KRT71: variants seen among roughly 807,000 people sequenced by gnomAD.
The protein encoded by KRT71 is keratin 71, also known as keratin, type II cytoskeletal 71.
Under a neutral mutation model 46.2 loss-of-function variants are expected in KRT71, and 42 were observed. The ratio of observed to expected loss-of-function variants is 0.91; its 90% confidence interval spans 0.71 to 1.18. The LOEUF (loss-of-function observed/expected upper bound fraction) is 1.18, where lower values mean the gene tolerates loss of function less well. Ranked by LOEUF, KRT71 falls within the 50% of genes most tolerant of loss-of-function variation. The probability of loss-of-function intolerance (pLI) is 0.00; values close to 1 mark genes in which losing one functional copy is unlikely to be tolerated. For synonymous variants in KRT71, 292 were observed against 277.8 expected, an observed-to-expected ratio of 1.05 and a Z score of -0.51; for missense variants, 708 against 677.9, an observed-to-expected ratio of 1.04 and a Z score of -0.49.
At position 52,548,145 on chromosome 12, in the gene KRT71, A is replaced by G; in HGVS notation, c.978+7T>C. 1.2e-6 allele frequency: 2 copies of G among 1,612,334 alleles called. No individual in the cohort carries two copies. The highest frequency in any genetic ancestry group is 1.7e-6 in the Non-Finnish European group (2 of 1,178,982). On this transcript the variant is annotated splice_region_variant and intron_variant, in intron 5 of 8. Transcript: ENST00000267119. ...ACCCTCCCTGGCCCCACCTCAGCCC[A>G]GCTCACCTTGGTCTGGTACAGGGCC...
chr12:52,552,910 G>C lies in KRT71; in HGVS notation c.168C>G (p.Ser56Arg). 1 of 1,614,118 alleles carries C rather than the reference G, an allele frequency of 6.2e-7. No homozygotes were observed. The part of the protein sequence containing the change: ...RSLYSLGGVR[S>R]LNVASGSGKS... ...TCCCGCTGCCACTGGCCACATTGAG[G>C]CTCCGGACACCCCCCAGGCTGTAGA... is the stretch of plus-strand genomic sequence containing the variant. The change falls in exon 1 of 9, where the codon AGC (serine) becomes AGG (arginine). Residue 56 changes from serine to arginine, a missense_variant. By Grantham distance (110) the Ser-to-Arg change is moderately radical (BLOSUM62 -1). Transcript: ENST00000267119.
chr12:52,546,614 TAC>T (rs1445784394), intron 6 of KRT71, 108 bp from the exon 7 acceptor site: 1 of 1,040,570 alleles, frequency 9.6e-7, no homozygotes, highest in African/African-American at 1.6e-5. Flanking sequence ...GCCTCCACCC[TAC>T]ACACACCATC....
In KRT71 at chr12:52,550,014, A is replaced by C; in HGVS notation, c.656+15T>G. ...AGGGCAGTTGTCCAGTTACAGGGGG[A>C]CTCCTCCTGCTCACCTCTTCTTGTA... On this transcript the variant is annotated intron_variant, in intron 2 of 8. Coordinates refer to ENST00000267119, the MANE Select transcript of KRT71 (RefSeq NM_033448.3). 1 of 1,613,030 alleles carries C rather than the reference A, an allele frequency of 6.2e-7. No individual in the cohort carries two copies.
In KRT71 at chr12:52,544,363, C is replaced by T. The variant is rs973513733; in HGVS notation, c.*169G>A. ...ACCAAGCTTGGTCATCCAGGCCTTC[C>T]CAGGATCAGGAAGACACAGGCTGGG... On this transcript the variant is annotated 3_prime_UTR_variant, in exon 9 of 9. Transcript: ENST00000267119. 5 of 714,376 alleles carry T rather than the reference C, an allele frequency of 7.0e-6. No homozygotes were observed. The highest frequency in any genetic ancestry group is 2.1e-5 in the Admixed American group (1 of 48,336). 44.3% of individuals were successfully genotyped at this position (714,376 alleles called of 1,614,324 possible).
At chr12:52,550,447 G>A (rs184095106) in intron 1 of KRT71, among the ~76,000 whole-genome samples, 4 of 152,302 alleles carry the variant, frequency 2.6e-5, no homozygotes, top group Admixed American at 1.3e-4. Flanking sequence ...TTTAAGAAGC[G>A]GTGGAGCCCG....
At position 52,549,305 on chromosome 12, in the gene KRT71, CACAA is replaced by C. The variant is rs1466826841; in HGVS notation, c.701_704del (p.Phe234CysfsTer61). Reference sequence around the variant, plus strand: ...GCCTTCCCCTCACCTTCTTGAGCAGCACAAACTCGTTCTCTGCTGCTGTCCGCTT... The same window carrying C: ...GCCTTCCCCTCACCTTCTTGAGCAGCACTCGTTCTCTGCTGCTGTCCGCTT... On this transcript the variant is annotated frameshift_variant, in exon 3 of 9. Transcript: ENST00000267119. LOFTEE classifies it high-confidence loss of function. 3 of 1,613,914 alleles carry C rather than the reference CACAA, an allele frequency of 1.9e-6. No individual in the cohort carries two copies. Among genetic ancestry groups the C allele is most frequent in the Non-Finnish European group, 2.5e-6 (3 of 1,179,874 alleles).
At chr12:52,545,477 A>T in intron 8 of KRT71, 88 bp downstream of exon 8, 3 of 761,852 alleles carry the variant, frequency 3.9e-6, no homozygotes, top group Non-Finnish European at 6.5e-6. Flanking sequence ...TGGTTCTTAG[A>T]TCCCTCATCT....
chr12:52,549,390 A>C, intron 2 of KRT71, 37 bp from the exon 3 acceptor site: 4,038 of 1,533,330 alleles, frequency 2.6e-3, no homozygotes, highest in Non-Finnish European at 3.4e-3. Flanking sequence ...TTAATATCTC[A>C]CTGAAAGCCC....
At chr12:52,548,656 C>G (rs752369459) in intron 4 of KRT71, 45 bp downstream of exon 4, 2 of 1,552,882 alleles carry the variant, frequency 1.3e-6, no homozygotes, top group Non-Finnish European at 1.8e-6. Context: ...TAGAGTTTAA[C>G]CCACCAGCCT....
rs1362842976 is a variant in KRT71 at position 52,548,938 on chromosome 12, G to T, written c.718-142C>A. ...TGGGAAAGGAGACAAAGGAGCAAAG[G>T]CCCAGCCCTACCCCACCCCACCCTG... On this transcript the variant is annotated intron_variant, in intron 3 of 8. Coordinates refer to ENST00000267119, the MANE Select transcript of KRT71 (RefSeq NM_033448.3). 8 of 729,980 alleles carry T rather than the reference G, an allele frequency of 1.1e-5. No homozygotes were observed. The South Asian group carries it at 1.2e-4, about 11-fold the overall frequency. 45.2% of individuals were successfully genotyped at this position (729,980 alleles called of 1,614,324 possible). A position where few individuals can be genotyped will look rare whatever the true frequency, so the allele number is the denominator to read the frequency against.
rs745528592 is a variant in KRT71, at chr12:52,547,989, A to G, written c.979-7T>C. On this transcript the variant is annotated splice_polypyrimidine_tract_variant and splice_region_variant and intron_variant, in intron 5 of 8. Transcript: ENST00000267119. ...CCAGCTGAAGCTCTTGGAACTGGGG[A>G]CCCCAAAGCACAGAGTCATGAGTGT... is the stretch of plus-strand genomic sequence containing the variant. The G allele has an allele frequency of 1.1e-5, 17 of 1,585,404 alleles. No individual in the cohort carries two copies. The African/African-American group carries it at 1.6e-4, about 15-fold the overall frequency.
chr12:52,546,575 T>C, intron 6 of KRT71, 69 bp from the exon 7 acceptor site: 2 of 1,504,916 alleles, frequency 1.3e-6, no homozygotes, highest in South Asian at 2.5e-5. Flanking sequence ...CCAATCCCTC[T>C]GGGTCCTTAG....
chr12:52,545,842 G>C (rs981690728), intron 7 of KRT71, among the ~76,000 whole-genome samples: 1 of 152,122 alleles, frequency 6.6e-6, no homozygotes. Context: ...CGTAGGGGCA[G>C]TGTATCTACC....
rs770045909 is a variant in KRT71 at position 52,552,641 on chromosome 12, T to G, written c.437A>C (p.Asp146Ala). 1 of 1,609,452 alleles carries G rather than the reference T, an allele frequency of 6.2e-7. No individual in the cohort carries two copies. The highest frequency in any genetic ancestry group is 8.5e-7 in the Non-Finnish European group (1 of 1,177,746). ...ALNNKFASFIDKVRFLEQQNQ... is the reference protein window; with the variant it reads ...ALNNKFASFIAKVRFLEQQNQ... ...CCCAGGCCCTAGAAGACCCACCTTG[T>G]CGATGAAGGAGGCGAACTTGTTGTT... Residue 146 changes from aspartate to alanine, a missense_variant, in exon 1 of 9, where the codon GAC (aspartate) becomes GCC (alanine). Coordinates refer to ENST00000267119, the MANE Select transcript of KRT71 (RefSeq NM_033448.3).
At position 52,548,910 on chromosome 12, in the gene KRT71, C is replaced by T. The variant is rs3803085; in HGVS notation, c.718-114G>A. 0.46 allele frequency: 418,348 copies of T among 910,424 alleles called. 103,831 individuals carry two copies. Among genetic ancestry groups the T allele is most frequent in the Middle Eastern group, 0.54 (1,825 of 3,396 alleles). The allele number at this position is 910,424 out of a possible 1,614,324, so 56.4% of individuals were successfully genotyped here. ...GAGTCACTCTCTTCTCTTCACTTTG[C>T]CTTGGGAAAGGAGACAAAGGAGCAA... On this transcript the variant is annotated intron_variant, in intron 3 of 8. Transcript: ENST00000267119.
At chr12:52,548,945 C>T in intron 3 of KRT71, 149 bp from the exon 4 acceptor site, 1 of 679,806 alleles carries the variant, frequency 1.5e-6, no homozygotes, top group Non-Finnish European at 2.5e-6. Flanking sequence ...AAGGCCCAGC[C>T]CTACCCCACC....
chr12:52,549,363 T>C lies in KRT71; in HGVS notation c.657-10A>G. 1 of 1,610,596 alleles carries C rather than the reference T, an allele frequency of 6.2e-7. No homozygotes were observed. Among genetic ancestry groups the C allele is most frequent in the Non-Finnish European group, 8.5e-7 (1 of 1,176,782 alleles). On this transcript the variant is annotated splice_polypyrimidine_tract_variant and intron_variant, in intron 2 of 8. Coordinates refer to ENST00000267119, the MANE Select transcript of KRT71 (RefSeq NM_033448.3). ...GATTTCCTCCTCATACCTGTGGGAA[T>C]GGCGAGGGCTCATTGGTTAATATCT...
Position 52,546,339 on chromosome 12 carries a change from G to C in KRT71, c.1272C>G (p.Ala424=). 6.2e-7 allele frequency: 1 copy of C among 1,614,134 alleles called. No individual in the cohort carries two copies. Among genetic ancestry groups the C allele is most frequent in the Non-Finnish European group, 8.5e-7 (1 of 1,180,024 alleles). ...EYQELMSLKL[A]LDMEIATYRK... ...GATAGGTGGCGATCTCCATGTCCAG[G>C]GCCAGCTTCAGGCTCATGAGCTCCT... The change falls in exon 7 of 9, where the codon GCC becomes GCG. Residue 424 remains alanine, a synonymous_variant. Coordinates refer to ENST00000267119, the MANE Select transcript of KRT71 (RefSeq NM_033448.3).
Position 52,552,661 on chromosome 12 carries a change from G to A in KRT71, c.417C>T (p.Asn139=), listed in dbSNP as rs1939192002. The A allele has an allele frequency of 1.2e-6, 2 of 1,611,980 alleles. No individual in the cohort carries two copies. The highest frequency in any genetic ancestry group is 1.7e-6 in the Non-Finnish European group (2 of 1,178,994). ...CCTTGTCGATGAAGGAGGCGAACTT[G>A]TTGTTCAGAGCCTTGATCTGCTCTC... is the stretch of plus-strand genomic sequence containing the variant. ...QEREQIKALN[N]KFASFIDKVR... The change falls in exon 1 of 9, where the codon AAC becomes AAT. Residue 139 remains asparagine, a synonymous_variant. Transcript: ENST00000267119.
Sources: allele counts gnomAD v4.1 joint callset (sites outside exome capture counted in the v4.1 genomes callset), GRCh38; gene constraint gnomAD v4.1.1; transcripts MANE v1.5; gene names NCBI Gene and HGNC (gene_info 2026-07-23, HGNC 2026-07-21).